Variants in PCDH7 observed in about 807,000 individuals in gnomAD.
The protein encoded by PCDH7 is protocadherin 7, also known as protocadherin-7.
In PCDH7, 17 loss-of-function variants were observed where a neutral mutation model predicts 58.9. That is an observed-to-expected ratio of 0.29 (90% confidence interval 0.20 to 0.43). PCDH7 has a LOEUF of 0.43. PCDH7 is among the 20% of genes least tolerant of loss of function. The pLI, the probability that PCDH7 is intolerant of heterozygous loss-of-function variation, is 1.00. For missense variants in PCDH7, 1,274 were observed against 1,441.0 expected, an observed-to-expected ratio of 0.88 and a Z score of 1.88; for synonymous variants, 664 against 616.4, an observed-to-expected ratio of 1.08 and a Z score of -1.14.
intron 3 of PCDH7, among the ~76,000 whole-genome samples, chr4:30,973,819 AC>A (rs1402121366): frequency 6.6e-6 from 1 of 152,080 alleles, no homozygotes; most frequent in Non-Finnish European, 1.5e-5. Flanking sequence ...GAGAAAAATT[AC>A]CCAAATGGAT....
At chr4:30,956,089 C>T (rs1747837573) in intron 3 of PCDH7, among the ~76,000 whole-genome samples, 1 of 151,704 alleles carries the variant, frequency 6.6e-6, no homozygotes, top group Non-Finnish European at 1.5e-5. Context: ...TGGTGCACGC[C>T]TGTAGTCCCA....
chr4:31,032,287 A>T (rs966322424), intron 3 of PCDH7, among the ~76,000 whole-genome samples: 1 of 152,212 alleles, frequency 6.6e-6, no homozygotes, highest in Non-Finnish European at 1.5e-5. Context: ...AATAACTTTT[A>T]AAAATGTATA....
intron 3 of PCDH7, among the ~76,000 whole-genome samples, chr4:31,053,421 T>C (rs940497997): frequency 6.6e-6 from 1 of 152,040 alleles, no homozygotes; most frequent in Non-Finnish European, 1.5e-5. Context: ...GCCACTAACT[T>C]TGATTCTTTA....
exon 2 of PCDH7, chr4:30,732,785 A>G (rs1308885807): frequency 6.6e-6 from 1 of 152,150 alleles, no homozygotes; most frequent in Non-Finnish European, 1.5e-5. Context: ...TATGACTGGA[A>G]AAACATAGTA....
intron 3 of PCDH7, among the ~76,000 whole-genome samples, chr4:31,090,147 A>T (rs977931399): frequency 3.9e-5 from 6 of 152,214 alleles, no homozygotes; most frequent in South Asian, 2.1e-4. Flanking sequence ...TAGCTTATTC[A>T]GGTCATTGTA....
chr4:30,723,181 G>T lies in PCDH7; in HGVS notation c.1759G>T (p.Asp587Tyr). 1 of 1,614,112 alleles carries T rather than the reference G, an allele frequency of 6.2e-7. No homozygotes were observed. The change falls in exon 1 of 2, where the codon GAT becomes TAT. Residue 587 changes from aspartate (D) to tyrosine (Y), a missense_variant. Transcript: ENST00000361762. This position sits in a 1 kb window ranked among gnomAD's most constrained non-coding sequence, Gnocchi z 4.6. ...GATGGGGATCTTTGCCATCGATCCC[G>T]ATTCTGGGGACATCCTGGTCAATAC... is the stretch of plus-strand genomic sequence containing the variant.
At chr4:31,026,437 G>T (rs1476584422) in intron 3 of PCDH7, among the ~76,000 whole-genome samples, 1 of 152,196 alleles carries the variant, frequency 6.6e-6, no homozygotes, top group Non-Finnish European at 1.5e-5. Context: ...ACCGAAATGA[G>T]CATACTGTTA....
At chr4:31,026,794 T>C (rs1373618355) in intron 3 of PCDH7, among the ~76,000 whole-genome samples, 1 of 152,142 alleles carries the variant, frequency 6.6e-6, no homozygotes, top group Non-Finnish European at 1.5e-5. Context: ...CATACACACC[T>C]GTGGACTCAA....
chr4:30,943,754 T>C (rs1310260304), intron 2 of PCDH7, among the ~76,000 whole-genome samples: 4 of 151,866 alleles, frequency 2.6e-5, no homozygotes, highest in African/African-American at 9.7e-5. Flanking sequence ...TCAGCTATCA[T>C]TACTGTTAGT....
chr4:30,960,916 CTT>C (rs1255481962), intron 3 of PCDH7, among the ~76,000 whole-genome samples: 1 of 152,086 alleles, frequency 6.6e-6, no homozygotes, highest in Non-Finnish European at 1.5e-5. Flanking sequence ...TCTGAGTAAA[CTT>C]TGTTAGCTCT....
chr4:30,955,800 C>T (rs529682544), intron 3 of PCDH7, among the ~76,000 whole-genome samples: 24 of 152,040 alleles, frequency 1.6e-4, no homozygotes, highest in East Asian at 9.9e-4. Flanking sequence ...CGTCCCGCCC[C>T]GGCCTCTCAA....
In PCDH7 at chr4:30,721,307, C is replaced by T. The variant is rs1000237113; in HGVS notation, c.-116C>T. ...CCCCTCCCTCCCCTCCCTCTCGCTC[C>T]TTCCTTTCCGGGAGAGGGGAGAGGA... On this transcript the variant is annotated 5_prime_UTR_variant, in exon 1 of 2. Transcript: ENST00000361762. The surrounding 1 kb of genome is among the most constrained non-coding windows in gnomAD (Gnocchi z 6.7). 4.6e-6 allele frequency: 5 copies of T among 1,092,368 alleles called. No homozygotes were observed. The highest frequency in any genetic ancestry group is 5.0e-6 in the Non-Finnish European group (4 of 795,562). The allele number at this position is 1,092,368 out of a possible 1,614,324, so 67.7% of individuals were successfully genotyped here. A position where few individuals can be genotyped will look rare whatever the true frequency, so the allele number is the denominator to read the frequency against.
intron 2 of PCDH7, among the ~76,000 whole-genome samples, chr4:30,936,144 A>T (rs1403939454): frequency 1.3e-5 from 2 of 152,080 alleles, no homozygotes; most frequent in African/African-American, 4.8e-5. Context: ...TAGAGCAAGG[A>T]ATAATTGAAT....
intron 1 of PCDH7, among the ~76,000 whole-genome samples, chr4:30,765,913 G>C (rs1036834547): frequency 1.2e-4 from 19 of 152,148 alleles, no homozygotes; most frequent in African/African-American, 4.6e-4. Flanking sequence ...TTTAGGCAAT[G>C]CATCAGTCAA....
At position 30,918,185 on chromosome 4, in the gene PCDH7, T is replaced by A. The variant is rs574332465; in HGVS notation, c.71-1968T>A. Among the ~76,000 whole-genome samples the A allele has an allele frequency of 1.5e-3, 221 of 152,286 alleles. 1 individual carries two copies. The highest frequency in any genetic ancestry group is 2.5e-3 in the Non-Finnish European group (172 of 68,000). ...ATGACCCTTGGCATTCTTAGCTAAATTCAACATTGTCATTAAAATTTCATT... is the reference window on the plus strand; with the variant it reads ...ATGACCCTTGGCATTCTTAGCTAAAATCAACATTGTCATTAAAATTTCATT... On this transcript the variant is annotated intron_variant, in intron 1 of 3. Transcript: ENST00000509759.
At chr4:30,786,880 T>G in intron 1 of PCDH7, 2 of 342,468 alleles carry the variant, frequency 5.8e-6, no homozygotes, top group Non-Finnish European at 8.2e-6. Context: ...AGAAATCGAT[T>G]CCCAAGGGGC....
At position 30,982,234 on chromosome 4, in the gene PCDH7, G is replaced by A. The variant is rs964886490; in HGVS notation, c.*7+32019G>A. 2.0e-5 allele frequency among the ~76,000 whole-genome samples: 3 copies of A among 152,266 alleles called. No homozygotes were observed. The South Asian group carries it at 6.2e-4, about 32-fold the overall frequency. On this transcript the variant is annotated intron_variant, in intron 3 of 3. Transcript: ENST00000509759. Reference sequence around the variant, plus strand: ...TTTTAAAAAGGAGAGAATCACACAGGAGCAGTGTGCCAAGGGGAGTGTGAA... The same window carrying A: ...TTTTAAAAAGGAGAGAATCACACAGAAGCAGTGTGCCAAGGGGAGTGTGAA...
chr4:30,963,680 AGAATGTAT>A (rs1344031232), intron 3 of PCDH7, among the ~76,000 whole-genome samples: 1 of 152,154 alleles, frequency 6.6e-6, no homozygotes, highest in Non-Finnish European at 1.5e-5. Context: ...TGTGCATTTT[AGAATGTAT>A]GATATCTGCC....
intron 2 of PCDH7, among the ~76,000 whole-genome samples, chr4:30,942,740 C>T (rs1382512525): frequency 2.0e-5 from 3 of 151,994 alleles, no homozygotes; most frequent in Admixed American, 2.0e-4. Flanking sequence ...ATTGGTGATA[C>T]ACGTTGAAGT....
Sources: gnomAD v4.1 joint callset for allele counts (sites outside exome capture counted in the v4.1 genomes callset) on GRCh38, gnomAD v4.1.1 for gene constraint, Gnocchi (gnomAD v3.1) non-coding constraint, MANE v1.5 for transcripts, NCBI Gene and HGNC (gene_info 2026-07-23, HGNC 2026-07-21) for gene names.